Variants in CTR9 observed in about 807,000 individuals in gnomAD.
The protein encoded by CTR9 is RNA polymerase-associated protein CTR9 homolog.
Under a neutral mutation model 152.1 loss-of-function variants are expected in CTR9, and 41 were observed. That is an observed-to-expected ratio of 0.27 (90% CI 0.21 to 0.35). CTR9 has a LOEUF of 0.35. Ranked by LOEUF, CTR9 falls within the 10% of genes least tolerant of loss-of-function variation. The probability of loss-of-function intolerance (pLI) is 1.00; values close to 1 mark genes in which losing one functional copy is unlikely to be tolerated. For missense variants in CTR9, 917 were observed against 1,424.4 expected, an observed-to-expected ratio of 0.64 and a Z score of 5.73; for synonymous variants, 476 against 496.2, an observed-to-expected ratio of 0.96 and a Z score of 0.54.
At chr11:10,758,872 C>T (rs1393222941) in intron 5 of CTR9, among the ~76,000 whole-genome samples, 1 of 152,206 alleles carries the variant, frequency 6.6e-6, no homozygotes, top group Non-Finnish European at 1.5e-5. Flanking sequence ...TACAATCCTA[C>T]TAGAACTTCT....
At chr11:10,760,627 T>C (rs1470027108) in intron 6 of CTR9, among the ~76,000 whole-genome samples, 2 of 152,080 alleles carry the variant, frequency 1.3e-5, no homozygotes, top group Non-Finnish European at 2.9e-5. Flanking sequence ...AAACTTGTTT[T>C]TTAAGGCATT....
intron 5 of CTR9, among the ~76,000 whole-genome samples, chr11:10,758,194 G>A (rs1338416038): frequency 3.3e-5 from 5 of 152,212 alleles, no homozygotes; most frequent in African/African-American, 1.2e-4. Flanking sequence ...ACAGAGATGG[G>A]AAGCCATTGG....
intron 1 of CTR9, among the ~76,000 whole-genome samples, chr11:10,752,041 C>A (rs1222910747): frequency 6.6e-6 from 1 of 152,122 alleles, no homozygotes; most frequent in Non-Finnish European, 1.5e-5. Context: ...TGTGGCTTGT[C>A]TGAGTAAAGC....
chr11:10,773,937 C>T (rs1863187189), intron 21 of CTR9, 75 bp from the exon 22 acceptor site: 2 of 1,029,194 alleles, frequency 1.9e-6, no homozygotes, highest in Admixed American at 2.5e-5. Flanking sequence ...GATATGGCCC[C>T]TTTCTGTACC....
intron 5 of CTR9, among the ~76,000 whole-genome samples, chr11:10,757,731 A>C (rs1862908219): frequency 6.6e-6 from 1 of 152,238 alleles, no homozygotes; most frequent in Non-Finnish European, 1.5e-5. Flanking sequence ...GCAATTAACC[A>C]AAGAGACAAA....
intron 2 of CTR9, among the ~76,000 whole-genome samples, chr11:10,753,295 C>A (rs1477807807): frequency 1.3e-5 from 2 of 152,140 alleles, no homozygotes; most frequent in Non-Finnish European, 2.9e-5. Flanking sequence ...TCAAGAAAAT[C>A]CAATCAGAAA....
intron 2 of CTR9, among the ~76,000 whole-genome samples, chr11:10,753,093 G>C (rs910137194): frequency 2.0e-5 from 3 of 152,192 alleles, no homozygotes; most frequent in Non-Finnish European, 4.4e-5. Context: ...AAGTGCTTCT[G>C]TGTGAACATT....
At chr11:10,758,935 A>G (rs182332871) in intron 5 of CTR9, among the ~76,000 whole-genome samples, 6 of 152,182 alleles carry the variant, frequency 3.9e-5, no homozygotes, top group Non-Finnish European at 8.8e-5. Context: ...GAAAATGCTG[A>G]TATCATTCAT....
chr11:10,775,425 T>G, intron 23 of CTR9, 96 bp from the exon 24 acceptor site: 1 of 1,365,164 alleles, frequency 7.3e-7, no homozygotes, highest in South Asian at 1.3e-5. Flanking sequence ...AGTTCATCAG[T>G]GGCTGTTTGA....
rs1863084962 is a variant in CTR9, at chr11:10,767,963, T to C, written c.1844T>C (p.Leu615Ser). 3 of 1,614,128 alleles carry C rather than the reference T, an allele frequency of 1.9e-6. No homozygotes were observed. Among genetic ancestry groups the C allele is most frequent in the Non-Finnish European group, 2.5e-6 (3 of 1,179,998 alleles). Residue 615 changes from leucine to serine, a missense_variant, in exon 14 of 25, where the codon TTA becomes TCA. Around this residue, in one of 9 missense-constraint regions of CTR9, gnomAD observed 87 missense variants for 235.7 expected, o/e 0.37. Transcript: ENST00000361367. The surrounding 1 kb of genome is among the most constrained non-coding windows in gnomAD (Gnocchi z 4.0). ...LALGNVWLQT[L>S]HQPTRDREKE... ...CTTGGCAACGTGTGGCTCCAAACTT[T>C]ACATCAGCCCACCCGAGATCGAGAA...
rs768858907 is a variant in CTR9 at position 10,775,274 on chromosome 11, C to T, written c.2953C>T (p.Arg985Cys). Reference sequence around the variant, plus strand: ...AAATGGCCCCAAACCAAAAAAACGACGTCCACCAAAAGCAGAGAAGAAAAA... The same window carrying T: ...AAATGGCCCCAAACCAAAAAAACGATGTCCACCAAAAGCAGAGAAGAAAAA... ...TENGPKPKKR[R>C]PPKAEKKKAP... The change falls in exon 23 of 25, where the codon CGT (arginine) becomes TGT (cysteine). Residue 985 changes from arginine to cysteine, a missense_variant. Transcript: ENST00000361367. The T allele has an allele frequency of 8.5e-5, 137 of 1,613,844 alleles. No homozygotes were observed. The highest frequency in any genetic ancestry group is 1.1e-4 in the Non-Finnish European group (131 of 1,179,950).
chr11:10,774,494 A>G (rs746159937), intron 22 of CTR9, among the ~76,000 whole-genome samples: 7 of 152,250 alleles, frequency 4.6e-5, no homozygotes, highest in Non-Finnish European at 8.8e-5. Context: ...TGCATGTGCA[A>G]TCTTGGAAAA....
chr11:10,761,200 A>G (rs1179052385), intron 6 of CTR9, among the ~76,000 whole-genome samples: 2 of 152,182 alleles, frequency 1.3e-5, no homozygotes, highest in African/African-American at 4.8e-5. Context: ...ATAACCAAAC[A>G]TGACTTCATC....
chr11:10,764,338 C>T lies in CTR9; in HGVS notation c.1315C>T (p.Arg439Ter), dbSNP rs1377979235. ...CCTTTCAGCCTATGGAACAGCAACA[C>T]GAATCCTTCAGGAGAAAGTGCAGGC... ...GALSAYGTATRILQEKVQADV... is the reference protein window; with the variant it reads ...GALSAYGTAT Residue 439 changes from arginine to a stop codon, truncating the protein, a stop_gained, in exon 11 of 25, where the codon CGA becomes TGA. Coordinates refer to ENST00000361367, the MANE Select transcript of CTR9 (RefSeq NM_014633.5). LOFTEE classifies it high-confidence loss of function. 4 of 1,614,052 alleles carry T rather than the reference C, an allele frequency of 2.5e-6. No individual in the cohort carries two copies. The highest frequency in any genetic ancestry group is 3.4e-6 in the Non-Finnish European group (4 of 1,179,998).
At chr11:10,758,187 G>T (rs1454830341) in intron 5 of CTR9, among the ~76,000 whole-genome samples, 6 of 152,234 alleles carry the variant, frequency 3.9e-5, no homozygotes, top group Non-Finnish European at 8.8e-5. Context: ...TACATCGACA[G>T]AGATGGGAAG....
Position 10,755,017 on chromosome 11 carries a change from T to C in CTR9, c.204T>C (p.Arg68=). ...EEFVKLLEAA[R]IDGNLDYRDH... ...TTGTAAAATTGTTGGAAGCAGCACG[T>C]ATAGATGGCAATTTGGACTATAGAG... Residue 68 remains arginine, a synonymous_variant, in exon 3 of 25, where the codon CGT becomes CGC. Transcript: ENST00000361367. 1 of 1,614,110 alleles carries C rather than the reference T, an allele frequency of 6.2e-7. No homozygotes were observed. Among genetic ancestry groups the C allele is most frequent in the South Asian group, 1.1e-5 (1 of 91,082 alleles).
rs139822387 is a variant in CTR9, at chr11:10,752,073, T to A, written c.46-599T>A. ...AAGCTCTCAGCTTTGATGTTCAGTC[T>A]TCTTGTATATCTTTTATTTTTATTT... On this transcript the variant is annotated intron_variant, in intron 1 of 24. Transcript: ENST00000361367. Among the ~76,000 whole-genome samples, 1,095 of 152,378 alleles carry A rather than the reference T, an allele frequency of 7.2e-3. 3 individuals carry two copies. The highest frequency in any genetic ancestry group is 0.014 in the Middle Eastern group (4 of 294).
intron 5 of CTR9, among the ~76,000 whole-genome samples, chr11:10,759,787 AG>A (rs1179739559): frequency 1.3e-5 from 2 of 152,256 alleles, no homozygotes; most frequent in Non-Finnish European, 2.9e-5. Context: ...TAGCTTTGAA[AG>A]GAACAATGGT....
intron 16 of CTR9, among the ~76,000 whole-genome samples, chr11:10,769,752 GTT>G (rs1863113816): frequency 6.6e-6 from 1 of 152,104 alleles, no homozygotes; most frequent in Non-Finnish European, 1.5e-5. Context: ...TATTGTATTG[GTT>G]TTACCAAGAA....
Sources: gnomAD v4.1 joint callset for allele counts (sites outside exome capture counted in the v4.1 genomes callset) on GRCh38, gnomAD v4.1.1 for gene constraint, gnomAD v4.1.1 regional missense constraint, Gnocchi (gnomAD v3.1) non-coding constraint, MANE v1.5 for transcripts, NCBI Gene and HGNC (gene_info 2026-07-23, HGNC 2026-07-21) for gene names.